The following DEPDC5 variants were observed in gnomAD, a reference collection of about 807,000 sequenced individuals.
DEPDC5 encodes the protein DEP domain containing 5, GATOR1 subcomplex subunit.
In DEPDC5, 73 loss-of-function variants were observed where a neutral mutation model predicts 217.3. The ratio of observed to expected loss-of-function variants is 0.34; its 90% CI spans 0.28 to 0.41. DEPDC5 has a LOEUF of 0.41. Ranked by LOEUF, DEPDC5 falls within the 10% of genes least tolerant of loss-of-function variation. The probability of loss-of-function intolerance (pLI) is 1.00; values close to 1 mark genes in which losing one functional copy is unlikely to be tolerated. For synonymous variants in DEPDC5, 733 were observed against 756.7 expected, an observed-to-expected ratio of 0.97 and a Z score of 0.51; for missense variants, 1,675 against 2,070.1, an observed-to-expected ratio of 0.81 and a Z score of 3.70.
At chr22:31,874,621 C>G (rs538865021) in intron 36 of DEPDC5, among the ~76,000 whole-genome samples, 11 of 152,274 alleles carry the variant, frequency 7.2e-5, no homozygotes, top group African/African-American at 2.6e-4. Flanking sequence ...AATTTATTGT[C>G]TGAACTGAAA....
At chr22:31,846,792 G>A in intron 30 of DEPDC5, 42 bp from the exon 31 acceptor site, 2 of 1,613,640 alleles carry the variant, frequency 1.2e-6, no homozygotes, top group Non-Finnish European at 1.7e-6. Context: ...TCCACTGAGA[G>A]CCCACTTGGC....
chr22:31,822,144 G>A (rs933655981), intron 23 of DEPDC5, among the ~76,000 whole-genome samples: 2 of 152,222 alleles, frequency 1.3e-5, no homozygotes, highest in Non-Finnish European at 2.9e-5. Context: ...AATGTGTTAC[G>A]AACATCCAGT....
chr22:31,830,980 C>A (rs2148900848), intron 24 of DEPDC5: 1 of 151,996 alleles, frequency 6.6e-6, no homozygotes, highest in South Asian at 2.1e-4. Context: ...ATAAGAAAAT[C>A]CACCTCGTTG....
chr22:31,900,694 G>A (rs914064724), intron 40 of DEPDC5, among the ~76,000 whole-genome samples: 2 of 151,834 alleles, frequency 1.3e-5, no homozygotes, highest in African/African-American at 2.4e-5. Context: ...AGCCGAGATC[G>A]TGCCATTGCA....
intron 29 of DEPDC5, 101 bp from the exon 30 acceptor site, chr22:31,844,917 G>A: frequency 8.5e-7 from 1 of 1,181,948 alleles, no homozygotes; most frequent in Non-Finnish European, 1.2e-6. Context: ...TACTCATGGG[G>A]AGATGGACCT....
intron 7 of DEPDC5, 48 bp from the exon 8 acceptor site, chr22:31,778,051 A>G (rs1335982311): frequency 1.6e-5 from 25 of 1,601,020 alleles, no homozygotes; most frequent in Non-Finnish European, 2.1e-5. Flanking sequence ...CCAGGCATGT[A>G]TTGGTTTCAT....
At chr22:31,808,192 T>G (rs2148682668) in intron 18 of DEPDC5, among the ~76,000 whole-genome samples, 1 of 151,812 alleles carries the variant, frequency 6.6e-6, no homozygotes, top group Admixed American at 6.6e-5. Flanking sequence ...GCCTTCTGGG[T>G]TCAATCAGTT....
At chr22:31,896,060 ATATAGT>A in intron 39 of DEPDC5, among the ~76,000 whole-genome samples, 1 of 151,792 alleles carries the variant, frequency 6.6e-6, no homozygotes, top group Admixed American at 6.6e-5. Context: ...AGACACACAC[ATATAGT>A]TATAGTTGGG....
At chr22:31,893,966 T>C in intron 39 of DEPDC5, 1 of 469,998 alleles carries the variant, frequency 2.1e-6, no homozygotes, top group East Asian at 4.3e-5. Context: ...CTTAGCAGTA[T>C]TGACATCTGA....
intron 10 of DEPDC5, among the ~76,000 whole-genome samples, chr22:31,789,105 C>A (rs1440411161): frequency 6.6e-6 from 1 of 152,148 alleles, no homozygotes; most frequent in African/African-American, 2.4e-5. Context: ...CCATGTTGGC[C>A]AGGCTGGTCT....
chr22:31,829,422 C>T (rs1359689384), intron 24 of DEPDC5, among the ~76,000 whole-genome samples: 3 of 152,016 alleles, frequency 2.0e-5, no homozygotes, highest in African/African-American at 4.8e-5. Flanking sequence ...ATCCCAGCGA[C>T]TTGGGAGGCT....
At chr22:31,828,452 C>CAAAAAAAAA (rs35489633) in intron 24 of DEPDC5, among the ~76,000 whole-genome samples, 2 of 73,202 alleles carry the variant, frequency 2.7e-5, no homozygotes, top group African/African-American at 5.6e-5. Context: ...AACTCCGTCT[C>CAAAAAAAAA]AAAAAAAAAA....
intron 21 of DEPDC5, 84 bp from the exon 22 acceptor site, chr22:31,818,938 C>T: frequency 7.2e-7 from 1 of 1,395,236 alleles, no homozygotes; most frequent in Non-Finnish European, 1.0e-6. Context: ...TTCTTGTCAG[C>T]CTTGGTTTAT....
intron 32 of DEPDC5, chr22:31,857,802 C>A (rs2092361106): frequency 5.8e-6 from 2 of 344,792 alleles, no homozygotes; most frequent in Admixed American, 4.8e-5. Context: ...GTAATCCCAG[C>A]ACTTTGGGAG....
In DEPDC5 at chr22:31,766,754, G is replaced by A. The variant is rs904307536; in HGVS notation, c.363+86G>A. ...TATTATGGGAGAAGAATATAAAATCGTTTCTGATTTTATATCAGCATCTAC... is the reference window on the plus strand; with the variant it reads ...TATTATGGGAGAAGAATATAAAATCATTTCTGATTTTATATCAGCATCTAC... On this transcript the variant is annotated intron_variant, in intron 6 of 42. Coordinates refer to ENST00000651528, the MANE Select transcript of DEPDC5 (RefSeq NM_001242896.3). The A allele has an allele frequency of 3.6e-5, 45 of 1,266,532 alleles. 1 individual carries two copies. The highest frequency in any genetic ancestry group is 7.5e-5 in the African/African-American group (5 of 66,578). The allele number at this position is 1,266,532 out of a possible 1,614,324, so 78.5% of individuals were successfully genotyped here.
At position 31,856,165 on chromosome 22, in the gene DEPDC5, A is replaced by G. The variant is rs975697364; in HGVS notation, c.3156-1280A>G. 6.8e-4 allele frequency among the ~76,000 whole-genome samples: 102 copies of G among 150,932 alleles called. 1 individual carries two copies. Among genetic ancestry groups the G allele is most frequent in the East Asian group, 3.9e-4 (2 of 5,110 alleles). On this transcript the variant is annotated intron_variant, in intron 31 of 42. Transcript: ENST00000651528. The stretch of plus-strand genomic sequence containing the variant: ...GAGTTGGGCCAACGCGCACACACAC[A>G]CACACACACACACACACACACACAC...
intron 38 of DEPDC5, among the ~76,000 whole-genome samples, chr22:31,886,473 G>A (rs1050405806): frequency 6.6e-6 from 1 of 152,130 alleles, no homozygotes; most frequent in Non-Finnish European, 1.5e-5. Flanking sequence ...GAAAAGCAGT[G>A]TATAGGCCAG....
At chr22:31,784,063 A>T (rs1490719987) in intron 9 of DEPDC5, 78 bp downstream of exon 9, 8 of 1,166,514 alleles carry the variant, frequency 6.9e-6, no homozygotes, top group African/African-American at 1.5e-5. Context: ...ATGAATGCCC[A>T]GGGTCCCCCA....
intron 20 of DEPDC5, among the ~76,000 whole-genome samples, chr22:31,811,553 GT>G (rs772904154): frequency 1.2e-3 from 167 of 137,944 alleles, no homozygotes; most frequent in Non-Finnish European, 1.3e-3. Flanking sequence ...TATGGTAGTT[GT>G]TTTTTTTTTT....
Sources: allele counts gnomAD v4.1 joint callset (sites outside exome capture counted in the v4.1 genomes callset), GRCh38; gene constraint gnomAD v4.1.1; transcripts MANE v1.5; gene names NCBI Gene and HGNC (gene_info 2026-07-23, HGNC 2026-07-21).